The following RASGRF1 variants were observed in gnomAD, a reference collection of about 807,000 sequenced individuals.
The protein encoded by RASGRF1 is Ras protein specific guanine nucleotide releasing factor 1, also known as ras-specific guanine nucleotide-releasing factor 1.
Under a neutral mutation model 138.7 loss-of-function variants are expected in RASGRF1, and 40 were observed. The observed-to-expected ratio is 0.29, with a 90% CI of 0.22 to 0.38. The LOEUF is 0.38. Among genes scored for constraint, RASGRF1 ranks in the 10% least tolerant of loss-of-function variants. RASGRF1 has a pLI of 1.00. For synonymous variants in RASGRF1, 614 were observed against 663.2 expected, an observed-to-expected ratio of 0.93 and a Z score of 1.14; for missense variants, 1,108 against 1,650.4, an observed-to-expected ratio of 0.67 and a Z score of 5.69.
At chr15:79,002,014 C>G (rs1429404496) in intron 15 of RASGRF1, among the ~76,000 whole-genome samples, 1 of 152,186 alleles carries the variant, frequency 6.6e-6, no homozygotes, top group Admixed American at 6.5e-5. Context: ...TCCACCAGGG[C>G]TTCTCAAACC....
At chr15:79,047,970 A>G (rs2057377394) in intron 4 of RASGRF1, among the ~76,000 whole-genome samples, 1 of 106,212 alleles carries the variant, frequency 9.4e-6, no homozygotes, top group African/African-American at 3.0e-5. Flanking sequence ...CCGAGGCCCA[A>G]GAGCTATCTC....
intron 5 of RASGRF1, among the ~76,000 whole-genome samples, chr15:79,038,530 G>C (rs2057253112): frequency 6.6e-6 from 1 of 152,048 alleles, no homozygotes; most frequent in Admixed American, 6.6e-5. Flanking sequence ...TAATGGGTTG[G>C]TTGAACATTT....
At chr15:78,962,320 C>T (rs2055561855) in intron 26 of RASGRF1, 84 bp from the exon 27 acceptor site, 1 of 997,838 alleles carries the variant, frequency 1.0e-6, no homozygotes. Flanking sequence ...TCTCCTAGGG[C>T]CCAAGCCTCT....
At chr15:79,021,279 TG>T (rs1184957152) in intron 10 of RASGRF1, among the ~76,000 whole-genome samples, 1 of 152,228 alleles carries the variant, frequency 6.6e-6, no homozygotes, top group African/African-American at 2.4e-5. Context: ...AAAACAATAA[TG>T]AATGATAATG....
intron 2 of RASGRF1, among the ~76,000 whole-genome samples, chr15:79,061,899 C>A (rs34560444): frequency 1.0e-3 from 154 of 152,350 alleles, no homozygotes; most frequent in Non-Finnish European, 2.0e-3. Context: ...GACATCTTTT[C>A]ATTTCTCTTG....
At chr15:79,018,962 G>A (rs974189615) in intron 11 of RASGRF1, among the ~76,000 whole-genome samples, 4 of 152,192 alleles carry the variant, frequency 2.6e-5, no homozygotes, top group Non-Finnish European at 5.9e-5. Context: ...CTGCCTCCTC[G>A]TTTATTCTTC....
rs200644189 is a variant in RASGRF1, at chr15:78,985,463, T to TA, written c.3217-260dup. The TA allele has an allele frequency of 6.1e-4, 238 of 388,740 alleles. 1 individual carries two copies. The East Asian group carries it at 0.01, about 17-fold the overall frequency. 24.1% of individuals were successfully genotyped at this position (388,740 alleles called of 1,614,324 possible). A position where few individuals can be genotyped will look rare whatever the true frequency, so the allele number is the denominator to read the frequency against. On this transcript the variant is annotated intron_variant, in intron 22 of 26. Coordinates refer to ENST00000558480, the MANE Select transcript of RASGRF1 (RefSeq NM_001145648.3). ...CCTTCCAAATAACAATGGGAATCTG[T>TA]AAATACCTAGGAACTTAATGAGAAC...
Position 79,046,910 on chromosome 15 carries a change from C to A in RASGRF1, c.714G>T (p.Met238Ile). The A allele has an allele frequency of 1.2e-6, 2 of 1,614,192 alleles. No individual in the cohort carries two copies. The highest frequency in any genetic ancestry group is 2.2e-5 in the East Asian group (1 of 44,878). Reference sequence around the variant, plus strand: ...TGAACACCACCTGGTTCCTCTTGCGCATGCTGTCAGCATGGGGTGACCGGA... The same window carrying A: ...TGAACACCACCTGGTTCCTCTTGCGAATGCTGTCAGCATGGGGTGACCGGA... ...DYIRSPHADS[M>I]RKRNQVVFSM... is the part of the protein sequence containing the mutation. The change falls in exon 5 of 27, where the codon ATG becomes ATT. Residue 238 changes from methionine to isoleucine, a missense_variant. Transcript: ENST00000558480. The surrounding 1 kb of genome is among the most constrained non-coding windows in gnomAD (Gnocchi z 5.3).
In RASGRF1 at chr15:79,005,451, T is replaced by C. The variant is rs1412424699; in HGVS notation, c.2075+735A>G. 3 of 985,294 alleles carry C rather than the reference T, an allele frequency of 3.0e-6. No homozygotes were observed. In the African/African-American group the frequency reaches 5.2e-5, roughly 17 times the overall value. 61.0% of individuals were successfully genotyped at this position (985,294 alleles called of 1,614,324 possible). A position where few individuals can be genotyped will look rare whatever the true frequency, so the allele number is the denominator to read the frequency against. ...AGGGCTGGGATGGGCTGTCCACAAC[T>C]GGGATCTGGGTAGGTGGCCTCTCGG... On this transcript the variant is annotated intron_variant, in intron 14 of 26. Transcript: ENST00000558480.
In RASGRF1 at chr15:79,032,084, T is replaced by C; in HGVS notation, c.1152+39A>G. 1 of 1,595,806 alleles carries C rather than the reference T, an allele frequency of 6.3e-7. No individual in the cohort carries two copies. Among genetic ancestry groups the C allele is most frequent in the Non-Finnish European group, 8.5e-7 (1 of 1,170,002 alleles). On this transcript the variant is annotated intron_variant, in intron 7 of 26. Coordinates refer to ENST00000558480, the MANE Select transcript of RASGRF1 (RefSeq NM_001145648.3). The surrounding 1 kb of genome is among the most constrained non-coding windows in gnomAD (Gnocchi z 4.5). ...CCATGGTCCATCCCCCACACCTGCC[T>C]CCCTGACTCTACCCCACCCAGGCAG...
chr15:79,022,846 G>C (rs1474468543), intron 10 of RASGRF1, among the ~76,000 whole-genome samples: 2 of 152,192 alleles, frequency 1.3e-5, no homozygotes, highest in African/African-American at 4.8e-5. Context: ...CCAGGGTCTG[G>C]AAGAATGGTT....
intron 6 of RASGRF1, among the ~76,000 whole-genome samples, chr15:79,033,665 C>G (rs1160797338): frequency 7.3e-6 from 1 of 137,054 alleles, no homozygotes; most frequent in Non-Finnish European, 1.5e-5. Flanking sequence ...TCTCGGCTCA[C>G]TGCGACTTCT....
intron 8 of RASGRF1, 91 bp downstream of exon 8, chr15:79,031,309 G>T: frequency 1.0e-6 from 1 of 993,896 alleles, no homozygotes; most frequent in Non-Finnish European, 1.5e-6. Flanking sequence ...CTGAACTCAA[G>T]CTTTGTCAGG....
intron 8 of RASGRF1, among the ~76,000 whole-genome samples, chr15:79,030,103 C>T (rs904346247): frequency 6.6e-6 from 1 of 152,170 alleles, no homozygotes; most frequent in Non-Finnish European, 1.5e-5. Context: ...TGCCCTGATT[C>T]TCCACTCAGG....
chr15:79,007,215 G>A (rs190118956), intron 13 of RASGRF1, among the ~76,000 whole-genome samples: 352 of 152,280 alleles, frequency 2.3e-3, no homozygotes, highest in African/African-American at 8.1e-3. Context: ...AACTTGCAGG[G>A]GTCTTGTTTC....
chr15:78,975,898 C>A (rs1185041806), intron 24 of RASGRF1, among the ~76,000 whole-genome samples: 1 of 152,174 alleles, frequency 6.6e-6, no homozygotes, highest in African/African-American at 2.4e-5. Flanking sequence ...ATCCAAAGAT[C>A]TGAGAAGTAA....
chr15:78,998,134 G>T lies in RASGRF1; in HGVS notation c.2928C>A (p.Leu976=), dbSNP rs750097680. 1 of 1,614,202 alleles carries T rather than the reference G, an allele frequency of 6.2e-7. No homozygotes were observed. Among genetic ancestry groups the T allele is most frequent in the Non-Finnish European group, 8.5e-7 (1 of 1,180,032 alleles). ...FLEEVMHDPE[L]LTQERKAAAN... Reference sequence around the variant, plus strand: ...CTGCAGCCTTCCGCTCCTGGGTCAGGAGCTCCGGGTCGTGCATGACTTCTT... The same window carrying T: ...CTGCAGCCTTCCGCTCCTGGGTCAGTAGCTCCGGGTCGTGCATGACTTCTT... Residue 976 remains leucine (L), a synonymous_variant, in exon 19 of 27, where the codon CTC becomes CTA. Coordinates refer to ENST00000558480, the MANE Select transcript of RASGRF1 (RefSeq NM_001145648.3).
chr15:78,991,966 G>T (rs1320774425), intron 20 of RASGRF1, among the ~76,000 whole-genome samples, 172 bp from the exon 21 acceptor site: 1 of 152,168 alleles, frequency 6.6e-6, no homozygotes, highest in Non-Finnish European at 1.5e-5. Flanking sequence ...ATGAGGGGAG[G>T]TGGAGGGAAG....
At chr15:79,038,630 T>G (rs1158926597) in intron 5 of RASGRF1, among the ~76,000 whole-genome samples, 2 of 152,228 alleles carry the variant, frequency 1.3e-5, no homozygotes, top group African/African-American at 2.4e-5. Flanking sequence ...TTCTCTCTTA[T>G]TAATTTTAAA....
Sources: allele counts gnomAD v4.1 joint callset (sites outside exome capture counted in the v4.1 genomes callset), GRCh38; gene constraint gnomAD v4.1.1; non-coding constraint Gnocchi (gnomAD v3.1); transcripts MANE v1.5; gene names NCBI Gene and HGNC (gene_info 2026-07-23, HGNC 2026-07-21).